Variants in LINS1 observed in about 807,000 individuals in gnomAD.
The protein encoded by LINS1 is lines homolog 1.
LINS1 carries 27 observed loss-of-function variants against 41.6 expected under a neutral mutation model. The ratio of observed to expected loss-of-function variants is 0.65; its 90% CI spans 0.48 to 0.89. The LOEUF (loss-of-function observed/expected upper bound fraction) is 0.89, where lower values mean the gene tolerates loss of function less well. LINS1 is among the 40% of genes least tolerant of loss of function. LINS1 has a pLI of 0.00. For missense variants in LINS1, 955 were observed against 884.1 expected, an observed-to-expected ratio of 1.08 and a Z score of -1.02; for synonymous variants, 336 against 312.9, an observed-to-expected ratio of 1.07 and a Z score of -0.78.
At chr15:100,593,562 G>C (rs1023421642) in intron 1 of LINS1, among the ~76,000 whole-genome samples, 46 of 40,098 alleles carry the variant, frequency 1.1e-3, no homozygotes, top group African/African-American at 2.5e-3. Flanking sequence ...AACTTTATGG[G>C]GGGGGGGGGT....
Position 100,580,951 on chromosome 15 carries a change from A to C in LINS1, c.-103-6T>G. On this transcript the variant is annotated splice_polypyrimidine_tract_variant and splice_region_variant and intron_variant, in intron 1 of 6. Transcript: ENST00000314742. ...AGAAGTTTCTTCAGTGAAACCTAAAATAGGAAAAATAATTTAAAAATTCTA... is the reference window on the plus strand; with the variant it reads ...AGAAGTTTCTTCAGTGAAACCTAAACTAGGAAAAATAATTTAAAAATTCTA... 1.0e-6 allele frequency: 1 copy of C among 998,648 alleles called. No homozygotes were observed. Among genetic ancestry groups the C allele is most frequent in the Admixed American group, 2.5e-5 (1 of 39,286 alleles). 61.9% of individuals were successfully genotyped at this position (998,648 alleles called of 1,614,324 possible). A position where few individuals can be genotyped will look rare whatever the true frequency, so the allele number is the denominator to read the frequency against.
chr15:100,578,985 T>TGAACACAG (rs199912993), intron 3 of LINS1, among the ~76,000 whole-genome samples: 5,630 of 151,354 alleles, frequency 0.037, 314 homozygotes, highest in African/African-American at 0.13. Flanking sequence ...TGACAACACT[T>TGAACACAG]GAACACAGGA....
chr15:100,573,575 G>A (rs773602320), intron 5 of LINS1, 76 bp downstream of exon 5: 2 of 973,962 alleles, frequency 2.1e-6, no homozygotes, highest in Admixed American at 2.1e-5. Flanking sequence ...AACTAGTCCT[G>A]AGATTTGATA....
chr15:100,585,567 C>T (rs185011867), intron 1 of LINS1, among the ~76,000 whole-genome samples: 2 of 152,262 alleles, frequency 1.3e-5, no homozygotes, highest in Admixed American at 1.3e-4. Context: ...GGTTCACAGC[C>T]TTCACTGGAT....
At chr15:100,600,551 C>CCAAAAAAAAAAAAAAA (rs777968890) in intron 1 of LINS1, among the ~76,000 whole-genome samples, 1 of 79,674 alleles carries the variant, frequency 1.3e-5, no homozygotes, top group African/African-American at 6.7e-5. Context: ...TGCTGTTAAG[C>CCAAAAAAAAAAAAAAA]AAAAAAAAAA....
rs2037624418 is a variant in LINS1, at chr15:100,568,217, T to C, written c.*1021A>G. 1 of 152,204 alleles carries C rather than the reference T, an allele frequency of 6.6e-6. No individual in the cohort carries two copies. 9.4% of individuals were successfully genotyped at this position (152,204 alleles called of 1,614,324 possible). On this transcript the variant is annotated 3_prime_UTR_variant, in exon 7 of 7. Transcript: ENST00000314742. ...TATAATCACTTCTCAAAGAAACGGC[T>C]AAGATTTTACATTTGTAATATATCG...
Position 100,569,905 on chromosome 15 carries a change from T to G in LINS1, c.1607A>C (p.Asp536Ala). 3.1e-6 allele frequency: 5 copies of G among 1,609,628 alleles called. No individual in the cohort carries two copies. Among genetic ancestry groups the G allele is most frequent in the Non-Finnish European group, 4.2e-6 (5 of 1,177,324 alleles). ...RYLKLLQKDW[D>A]NFFTICNNFD... is the part of the protein sequence containing the mutation. ...GTTATTGCAAATGGTGAAAAAATTA[T>G]CCCAGTCCTTTTGCAGTAATTTTAA... is the stretch of plus-strand genomic sequence containing the variant. Residue 536 changes from aspartate (D) to alanine (A), a missense_variant, in exon 7 of 7, where the codon GAT becomes GCT. Transcript: ENST00000314742.
Position 100,574,181 on chromosome 15 carries a change from A to G in LINS1, c.692T>C (p.Leu231Ser), listed in dbSNP as rs2141280158. The change falls in exon 5 of 7, where the codon TTA becomes TCA. Residue 231 changes from leucine (L) to serine (S), a missense_variant. Coordinates refer to ENST00000314742, the MANE Select transcript of LINS1 (RefSeq NM_001040616.3). The stretch of plus-strand genomic sequence containing the variant: ...GCAGTTTTCAAAATGCTGAGAGAAT[A>G]AGGAATTGTAAAACACTTCAAAAAT... ...DTIFEVFYNS[L>S]FSQHFENCRD... is the part of the protein sequence containing the mutation. 12 of 1,613,738 alleles carry G rather than the reference A, an allele frequency of 7.4e-6. No homozygotes were observed. Among genetic ancestry groups the G allele is most frequent in the Non-Finnish European group, 1.0e-5 (12 of 1,179,674 alleles).
intron 1 of LINS1, among the ~76,000 whole-genome samples, chr15:100,600,910 G>A (rs1190031719): frequency 6.6e-6 from 1 of 151,980 alleles, no homozygotes; most frequent in South Asian, 2.1e-4. Context: ...CCTAAACAAG[G>A]CTTACCAAGG....
intron 1 of LINS1, among the ~76,000 whole-genome samples, chr15:100,599,457 G>C (rs1223367540): frequency 6.6e-6 from 1 of 152,138 alleles, no homozygotes; most frequent in East Asian, 1.9e-4. Flanking sequence ...CTCAAAGGCA[G>C]GATTTTTAAT....
At chr15:100,583,742 G>C (rs1334912675) in intron 1 of LINS1, among the ~76,000 whole-genome samples, 1 of 152,130 alleles carries the variant, frequency 6.6e-6, no homozygotes, top group Non-Finnish European at 1.5e-5. Flanking sequence ...CTCTTCAAGA[G>C]GTTTCCCATT....
chr15:100,576,181 GA>G (rs2038163685), intron 3 of LINS1, among the ~76,000 whole-genome samples: 1 of 152,094 alleles, frequency 6.6e-6, no homozygotes, highest in African/African-American at 2.4e-5. Context: ...GATCAGAGCA[GA>G]ACTGAAGGAG....
rs1280260303 is a variant in LINS1, at chr15:100,580,749, G to A, written c.94C>T (p.Leu32Phe). ...TCTTGATCTGAAACTGCTGGGTTGAGATAAAAGATGTAATCATGGCTGTCA... is the reference window on the plus strand; with the variant it reads ...TCTTGATCTGAAACTGCTGGGTTGAAATAAAAGATGTAATCATGGCTGTCA... ...ENDSHDYIFY[L>F]NPAVSDQDCS... Residue 32 changes from leucine to phenylalanine, a missense_variant, in exon 2 of 7, where the codon CTC becomes TTC. Transcript: ENST00000314742. 1 of 1,610,162 alleles carries A rather than the reference G, an allele frequency of 6.2e-7. No homozygotes were observed. Among genetic ancestry groups the A allele is most frequent in the South Asian group, 1.1e-5 (1 of 90,948 alleles).
At chr15:100,576,672 T>C (rs1003817603) in intron 3 of LINS1, 3 of 152,322 alleles carry the variant, frequency 2.0e-5, no homozygotes, top group African/African-American at 7.2e-5. Flanking sequence ...TAACTCATTT[T>C]ATGAGGACAG....
Position 100,569,491 on chromosome 15 carries a change from C to T in LINS1, c.2021G>A (p.Ser674Asn), listed in dbSNP as rs1381874688. 6.2e-7 allele frequency: 1 copy of T among 1,614,158 alleles called. No homozygotes were observed. Among genetic ancestry groups the T allele is most frequent in the South Asian group, 1.1e-5 (1 of 91,078 alleles). The change falls in exon 7 of 7, where the codon AGC (serine) becomes AAC (asparagine). Residue 674 changes from serine (S) to asparagine (N), a missense_variant. Transcript: ENST00000314742. ...CAGAGGCCTTGATGGAGGCTCAAGG[C>T]TAAATTCTTTTTTATCCCTGCTTGT... ...AGTSRDKKEF[S>N]LEPPSRPLVL...
chr15:100,574,404 C>G (rs1225492378), intron 4 of LINS1, among the ~76,000 whole-genome samples, 163 bp from the exon 5 acceptor site: 3 of 152,174 alleles, frequency 2.0e-5, no homozygotes, highest in Non-Finnish European at 4.4e-5. Flanking sequence ...TGGGTAAGAA[C>G]CACGGTTAAA....
At chr15:100,584,624 C>T (rs12441485) in intron 1 of LINS1, among the ~76,000 whole-genome samples, 76,284 of 151,860 alleles carry the variant, frequency 0.5, 19,641 homozygotes, top group Admixed American at 0.64. Context: ...GTTTCTTCCA[C>T]TATCCTCTTA....
intron 1 of LINS1, among the ~76,000 whole-genome samples, chr15:100,598,999 A>T (rs960332298): frequency 2.0e-5 from 3 of 152,076 alleles, no homozygotes; most frequent in Non-Finnish European, 4.4e-5. Flanking sequence ...TGAGCCTTGG[A>T]CTCCCTAGAG....
At chr15:100,572,199 G>A in intron 5 of LINS1, 134 bp from the exon 6 acceptor site, 1 of 1,504,180 alleles carries the variant, frequency 6.6e-7, no homozygotes, top group Non-Finnish European at 8.8e-7. Flanking sequence ...AAGTCATCAG[G>A]AATCAGTTAG....
Sources: gnomAD v4.1 joint callset for allele counts (sites outside exome capture counted in the v4.1 genomes callset) on GRCh38, gnomAD v4.1.1 for gene constraint, MANE v1.5 for transcripts, NCBI Gene and HGNC (gene_info 2026-07-23, HGNC 2026-07-21) for gene names.